Variants in MARCHF8 observed in about 807,000 individuals in gnomAD.
MARCHF8 encodes the protein E3 ubiquitin-protein ligase MARCHF8.
Under a neutral mutation model 51.6 loss-of-function variants are expected in MARCHF8, and 40 were observed. The observed-to-expected ratio is 0.77, with a 90% confidence interval of 0.60 to 1.01. The LOEUF is 1.01. MARCHF8 is among the 50% of genes least tolerant of loss of function. The pLI is 0.00. For synonymous variants in MARCHF8, 263 were observed against 280.3 expected, an observed-to-expected ratio of 0.94 and a Z score of 0.62; for missense variants, 685 against 708.6, an observed-to-expected ratio of 0.97 and a Z score of 0.38.
At chr10:45,532,784 A>G (rs2043908213) in intron 2 of MARCHF8, among the ~76,000 whole-genome samples, 1 of 152,228 alleles carries the variant, frequency 6.6e-6, no homozygotes, top group African/African-American at 2.4e-5. Flanking sequence ...TGGTGTCCAA[A>G]TTTCACACTA....
In MARCHF8 at chr10:45,457,149, G is replaced by C. The variant is rs761637300; in HGVS notation, c.*1090C>G. On this transcript the variant is annotated 3_prime_UTR_variant, in exon 8 of 8. Transcript: ENST00000453424. ...AACCTGCATGCAGTGCACACACCCC[G>C]GCCAGGGTGGCACATGGCTGCTCTT... 2 of 152,236 alleles carry C rather than the reference G, an allele frequency of 1.3e-5. No homozygotes were observed. Among genetic ancestry groups the C allele is most frequent in the African/African-American group, 2.4e-5 (1 of 41,450 alleles). The allele number at this position is 152,236 out of a possible 1,614,324, so 9.4% of individuals were successfully genotyped here.
At chr10:45,498,762 C>T (rs774976357) in intron 2 of MARCHF8, among the ~76,000 whole-genome samples, 2 of 152,202 alleles carry the variant, frequency 1.3e-5, no homozygotes, top group Admixed American at 6.5e-5. Context: ...AGGCGTGAGC[C>T]GCTGTGCCCA....
chr10:45,586,747 A>G (rs2044622565), intron 1 of MARCHF8, among the ~76,000 whole-genome samples: 1 of 151,998 alleles, frequency 6.6e-6, no homozygotes, highest in African/African-American at 2.4e-5. Flanking sequence ...AATTTCAAAT[A>G]CCTTATTTTG....
chr10:45,529,125 A>C (rs932742760), intron 2 of MARCHF8, among the ~76,000 whole-genome samples: 1 of 152,240 alleles, frequency 6.6e-6, no homozygotes, highest in Admixed American at 6.5e-5. Flanking sequence ...CAGGTCAATG[A>C]AACAGCTTAC....
chr10:45,570,459 C>T (rs1279993150), intron 1 of MARCHF8, among the ~76,000 whole-genome samples: 1 of 152,104 alleles, frequency 6.6e-6, no homozygotes, highest in African/African-American at 2.4e-5. Context: ...AATTTTAGCA[C>T]ACCTACAAAC....
chr10:45,484,970 T>C (rs1319639118), intron 3 of MARCHF8, among the ~76,000 whole-genome samples: 1 of 152,188 alleles, frequency 6.6e-6, no homozygotes, highest in Non-Finnish European at 1.5e-5. Flanking sequence ...GGAATTCTAC[T>C]TACTGGCTAC....
chr10:45,555,760 A>G (rs2044245782), intron 1 of MARCHF8, among the ~76,000 whole-genome samples: 2 of 143,948 alleles, frequency 1.4e-5, no homozygotes, highest in Non-Finnish European at 3.0e-5. Context: ...AAAAAAAAAG[A>G]AAAAGAAAAA....
At chr10:45,553,663 T>C (rs542090912) in intron 1 of MARCHF8, among the ~76,000 whole-genome samples, 1 of 152,060 alleles carries the variant, frequency 6.6e-6, no homozygotes, top group Non-Finnish European at 1.5e-5. Context: ...ATTCACACAA[T>C]GAAATAGACA....
intron 2 of MARCHF8, among the ~76,000 whole-genome samples, chr10:45,512,129 C>A (rs1190606958): frequency 6.6e-6 from 1 of 151,520 alleles, no homozygotes; most frequent in South Asian, 2.1e-4. Flanking sequence ...AGCGCCCAGC[C>A]GCGACCCCGT....
At chr10:45,561,918 A>G (rs963825361) in intron 1 of MARCHF8, among the ~76,000 whole-genome samples, 44 of 151,432 alleles carry the variant, frequency 2.9e-4, no homozygotes, top group East Asian at 5.8e-4. Context: ...AAAAAAAAAA[A>G]AAAGAAATTT....
At chr10:45,591,478 AAGC>A (rs980457949) in intron 1 of MARCHF8, among the ~76,000 whole-genome samples, 2 of 152,036 alleles carry the variant, frequency 1.3e-5, no homozygotes, top group South Asian at 2.1e-4. Flanking sequence ...AAAAAAAAAA[AAGC>A]AGCAGCAGCA....
chr10:45,464,871 G>A (rs1842919062), intron 3 of MARCHF8, among the ~76,000 whole-genome samples: 1 of 152,150 alleles, frequency 6.6e-6, no homozygotes, highest in Non-Finnish European at 1.5e-5. Flanking sequence ...ACGTCACCAT[G>A]GGGGACACCA....
At chr10:45,516,181 C>T (rs754547119) in intron 2 of MARCHF8, among the ~76,000 whole-genome samples, 1 of 152,178 alleles carries the variant, frequency 6.6e-6, no homozygotes, top group Non-Finnish European at 1.5e-5. Flanking sequence ...TTTTGCCCTG[C>T]GTTCTGCTAA....
chr10:45,484,333 G>A (rs1227646861), intron 3 of MARCHF8, among the ~76,000 whole-genome samples: 1 of 152,238 alleles, frequency 6.6e-6, no homozygotes, highest in Non-Finnish European at 1.5e-5. Flanking sequence ...GGCATCTGGG[G>A]AACATCCTCC....
chr10:45,477,243 T>G (rs550310890), intron 3 of MARCHF8, among the ~76,000 whole-genome samples: 1 of 151,734 alleles, frequency 6.6e-6, no homozygotes, highest in African/African-American at 2.4e-5. Context: ...TCCATCCAAG[T>G]TATCACTCAT....
intron 3 of MARCHF8, among the ~76,000 whole-genome samples, chr10:45,474,604 C>G (rs1419209044): frequency 6.6e-6 from 1 of 152,170 alleles, no homozygotes; most frequent in Non-Finnish European, 1.5e-5. Context: ...CAATCAAAAT[C>G]TAGAGGAGGG....
intron 3 of MARCHF8, among the ~76,000 whole-genome samples, chr10:45,480,406 G>A (rs761669449): frequency 6.6e-6 from 1 of 152,114 alleles, no homozygotes; most frequent in Non-Finnish European, 1.5e-5. Context: ...CTCAATGGGG[G>A]AAAATGTCTC....
intron 1 of MARCHF8, among the ~76,000 whole-genome samples, chr10:45,565,651 A>G (rs1451090142): frequency 6.6e-6 from 1 of 151,254 alleles, no homozygotes; most frequent in East Asian, 1.9e-4. Context: ...GAGTAGCAGG[A>G]AAAAAAAAGG....
At chr10:45,574,425 C>A (rs1589189690) in intron 1 of MARCHF8, among the ~76,000 whole-genome samples, 1 of 152,332 alleles carries the variant, frequency 6.6e-6, no homozygotes, top group East Asian at 1.9e-4. Flanking sequence ...TACCTCCCCT[C>A]CACAACCCAT....
Sources: gnomAD v4.1 joint callset for allele counts (sites outside exome capture counted in the v4.1 genomes callset) on GRCh38, gnomAD v4.1.1 for gene constraint, MANE v1.5 for transcripts, NCBI Gene and HGNC (gene_info 2026-07-23, HGNC 2026-07-21) for gene names.